Variants in IMMP1L observed in about 807,000 individuals in gnomAD.
IMMP1L encodes mitochondrial inner membrane protease subunit 1.
In IMMP1L, 24 loss-of-function variants were observed where a neutral mutation model predicts 21.8. That is an observed-to-expected ratio of 1.10 (90% CI 0.80 to 1.55). The LOEUF is 1.55. IMMP1L is among the 40% of genes most tolerant of loss of function. The pLI is 0.00. For synonymous variants in IMMP1L, 46 were observed against 62.8 expected, an observed-to-expected ratio of 0.73 and a Z score of 1.26; for missense variants, 195 against 200.7, an observed-to-expected ratio of 0.97 and a Z score of 0.17.
rs755909397 is a variant in IMMP1L at position 31,441,325 on chromosome 11, C to CTT, written c.322-7757_322-7756dup. Among the ~76,000 whole-genome samples, 28 of 118,472 alleles carry CTT rather than the reference C, an allele frequency of 2.4e-4. 1 individual carries two copies. The highest frequency in any genetic ancestry group is 7.4e-4 in the Admixed American group (9 of 12,120). 77.7% of individuals were successfully genotyped at this position (118,472 alleles called of 152,430 possible). ...TTTTAAAAGGTGTTTCAGGGTTGGG[C>CTT]TTTTTTTTTTTTTTTTGTCTTTGGT... On this transcript the variant is annotated intron_variant, in intron 4 of 5. Coordinates refer to ENST00000532287, the MANE Select transcript of IMMP1L (RefSeq NM_001304274.2).
intron 1 of IMMP1L, among the ~76,000 whole-genome samples, chr11:31,484,635 A>C (rs1483698443): frequency 6.6e-6 from 1 of 151,838 alleles, no homozygotes; most frequent in Non-Finnish European, 1.5e-5. Context: ...AAATTCCCAA[A>C]ATTGGTACTG....
At chr11:31,492,507 AC>A (rs369289408) in intron 1 of IMMP1L, among the ~76,000 whole-genome samples, 2 of 152,118 alleles carry the variant, frequency 1.3e-5, no homozygotes, top group Admixed American at 6.5e-5. Flanking sequence ...CATTGCATTC[AC>A]AGCTTAACTG....
At chr11:31,463,926 A>C (rs1954241322) in intron 1 of IMMP1L, among the ~76,000 whole-genome samples, 1 of 152,124 alleles carries the variant, frequency 6.6e-6, no homozygotes, top group South Asian at 2.1e-4. Context: ...CATAAATACT[A>C]TGAAACAACA....
At chr11:31,497,663 T>A (rs75853779) in intron 1 of IMMP1L, among the ~76,000 whole-genome samples, 3,133 of 152,228 alleles carry the variant, frequency 0.021, 91 homozygotes, top group South Asian at 0.11. Flanking sequence ...GGTTTCAGCA[T>A]GTTAGCCAGT....
chr11:31,490,812 G>GT (rs1485780740), intron 1 of IMMP1L, among the ~76,000 whole-genome samples: 2 of 152,066 alleles, frequency 1.3e-5, no homozygotes. Flanking sequence ...TGTAATTAAG[G>GT]TAAGGACCAA....
intron 3 of IMMP1L, 40 bp from the exon 4 acceptor site, chr11:31,456,426 T>C (rs1410762360): frequency 6.4e-7 from 1 of 1,574,426 alleles, no homozygotes; most frequent in African/African-American, 1.4e-5. Flanking sequence ...TATTATTTAT[T>C]AAGCAAAAAC....
At chr11:31,464,119 T>C (rs1954251067) in intron 1 of IMMP1L, among the ~76,000 whole-genome samples, 1 of 152,074 alleles carries the variant, frequency 6.6e-6, no homozygotes, top group Non-Finnish European at 1.5e-5. Flanking sequence ...ATCAAATTTA[T>C]TAAAATATAT....
intron 4 of IMMP1L, among the ~76,000 whole-genome samples, chr11:31,449,424 C>T (rs1345153831): frequency 2.6e-5 from 4 of 152,104 alleles, no homozygotes; most frequent in Admixed American, 2.6e-4. Context: ...ATAAAGTGAC[C>T]ATTTTGTAAT....
chr11:31,465,813 A>G (rs1040958289), intron 1 of IMMP1L, among the ~76,000 whole-genome samples: 1 of 152,126 alleles, frequency 6.6e-6, no homozygotes, highest in African/African-American at 2.4e-5. Context: ...TTACAGACTT[A>G]TAAATAAGAT....
intron 1 of IMMP1L, among the ~76,000 whole-genome samples, chr11:31,486,633 A>T (rs957648733): frequency 1.3e-5 from 2 of 151,990 alleles, no homozygotes; most frequent in Admixed American, 1.3e-4. Flanking sequence ...TTTAAAACAC[A>T]TTCTCAGCAA....
chr11:31,436,511 C>A (rs1236470978), intron 4 of IMMP1L, among the ~76,000 whole-genome samples: 1 of 152,040 alleles, frequency 6.6e-6, no homozygotes, highest in African/African-American at 2.4e-5. Context: ...CGGCTCACTG[C>A]AACCTCCACC....
chr11:31,477,126 T>G (rs1330705094), intron 1 of IMMP1L: 1 of 152,154 alleles, frequency 6.6e-6, no homozygotes, highest in African/African-American at 2.4e-5. Context: ...CAAATTATGT[T>G]TTATTCACCA....
chr11:31,442,632 C>G (rs1465538057), intron 4 of IMMP1L, among the ~76,000 whole-genome samples: 1 of 152,048 alleles, frequency 6.6e-6, no homozygotes, highest in Non-Finnish European at 1.5e-5. Flanking sequence ...TTGCATTGGC[C>G]CTACCTATTG....
chr11:31,505,521 C>G (rs143746208), intron 1 of IMMP1L, among the ~76,000 whole-genome samples: 2 of 152,316 alleles, frequency 1.3e-5, no homozygotes, highest in Non-Finnish European at 2.9e-5. Context: ...GTGACTTCTT[C>G]TGACATGGAC....
rs567537527 is a variant in IMMP1L at position 31,484,325 on chromosome 11, T to C, written c.-29-21020A>G. Among the ~76,000 whole-genome samples the C allele has an allele frequency of 6.6e-5, 10 of 152,050 alleles. No individual in the cohort carries two copies. In the South Asian group the frequency reaches 2.1e-3, roughly 31 times the overall value. ...ATGTAAATATAAGCAAATATGAATA[T>C]ATGGTTTTATTCCCCTCCCAATTTA... On this transcript the variant is annotated intron_variant, in intron 1 of 5. Coordinates refer to ENST00000532287, the MANE Select transcript of IMMP1L (RefSeq NM_001304274.2).
chr11:31,466,879 T>C lies in IMMP1L; in HGVS notation c.-29-3574A>G, dbSNP rs181656670. ...GATGAATACGGTTAACTATAATTTA[T>C]TGTATATTTTCAGAAAGGTACAAGA... On this transcript the variant is annotated intron_variant, in intron 1 of 5. Transcript: ENST00000532287. 3.1e-3 allele frequency among the ~76,000 whole-genome samples: 469 copies of C among 152,218 alleles called. 3 individuals are homozygous for C. Among genetic ancestry groups the C allele is most frequent in the African/African-American group, 1.0e-2 (414 of 41,548 alleles).
At chr11:31,495,016 C>T (rs1359171215) in intron 1 of IMMP1L, among the ~76,000 whole-genome samples, 1 of 152,144 alleles carries the variant, frequency 6.6e-6, no homozygotes, top group Non-Finnish European at 1.5e-5. Flanking sequence ...CCACCAGATA[C>T]CCTAAATCAT....
intron 4 of IMMP1L, among the ~76,000 whole-genome samples, chr11:31,436,247 T>C (rs986028383): frequency 6.6e-6 from 1 of 152,236 alleles, no homozygotes; most frequent in African/African-American, 2.4e-5. Context: ...TATATCCATA[T>C]GCTTTTTAAA....
At chr11:31,435,799 T>G (rs1953098959) in intron 4 of IMMP1L, among the ~76,000 whole-genome samples, 1 of 152,200 alleles carries the variant, frequency 6.6e-6, no homozygotes, top group Non-Finnish European at 1.5e-5. Context: ...TCATTTCTGT[T>G]ATGAGCCTTT....
Sources: gnomAD v4.1 joint callset for allele counts (sites outside exome capture counted in the v4.1 genomes callset) on GRCh38, gnomAD v4.1.1 for gene constraint, MANE v1.5 for transcripts, NCBI Gene and HGNC (gene_info 2026-07-23, HGNC 2026-07-21) for gene names.